ZNF732: variants seen among roughly 807,000 people sequenced by gnomAD.
The protein encoded by ZNF732 is zinc finger protein LOC654254.
A neutral mutation model predicts 11.5 loss-of-function variants in ZNF732; 12 were observed. The observed-to-expected ratio is 1.05, with a 90% CI of 0.67 to 1.70. The LOEUF is 1.70. ZNF732 is among the 40% of genes most tolerant of loss of function. ZNF732 has a pLI of 0.00. For missense variants in ZNF732, 702 were observed against 676.9 expected, an observed-to-expected ratio of 1.04 and a Z score of -0.41; for synonymous variants, 231 against 236.5, an observed-to-expected ratio of 0.98 and a Z score of 0.21.
intron 3 of ZNF732, among the ~76,000 whole-genome samples, chr4:281,447 T>C (rs931696551): frequency 9.2e-5 from 14 of 152,226 alleles, no homozygotes; most frequent in African/African-American, 1.7e-4. Flanking sequence ...CCTGCTCACA[T>C]TGATTGTATC....
chr4:278,827 C>A (rs1553839173), intron 3 of ZNF732, among the ~76,000 whole-genome samples: 1 of 152,120 alleles, frequency 6.6e-6, no homozygotes, highest in Non-Finnish European at 1.5e-5. Context: ...GTGGTGAATC[C>A]TCCACAGGCT....
At chr4:284,797 G>T (rs1719694601) in intron 3 of ZNF732, among the ~76,000 whole-genome samples, 2 of 150,044 alleles carry the variant, frequency 1.3e-5, no homozygotes, top group Non-Finnish European at 3.0e-5. Context: ...CTTGAACCCA[G>T]GAGGCGGAGG....
chr4:300,468 A>AG (rs1280081515), intron 1 of ZNF732, among the ~76,000 whole-genome samples: 3 of 149,840 alleles, frequency 2.0e-5, no homozygotes, highest in Non-Finnish European at 4.4e-5. Flanking sequence ...AAAAAAAAAA[A>AG]AAAAAAGAAA....
chr4:302,381 TACAA>T (rs1720136600), intron 1 of ZNF732, among the ~76,000 whole-genome samples: 1 of 152,120 alleles, frequency 6.6e-6, no homozygotes, highest in South Asian at 2.1e-4. Flanking sequence ...ACTAAGAGAC[TACAA>T]ACACAGAAAC....
At chr4:281,884 CAG>C (rs1553839883) in intron 3 of ZNF732, among the ~76,000 whole-genome samples, 1 of 152,068 alleles carries the variant, frequency 6.6e-6, no homozygotes, top group South Asian at 2.1e-4. Context: ...AAATGGCTAA[CAG>C]AGAATTTAAA....
intron 1 of ZNF732, among the ~76,000 whole-genome samples, chr4:299,444 T>TATACACATATGTGTATATATATATACAC (rs1553843186): frequency 5.9e-5 from 2 of 33,870 alleles, no homozygotes; most frequent in African/African-American, 2.2e-4. Context: ...TGTATATATA[T>TATACACATATGTGTATATATATATACAC]ATATATACAC....
chr4:298,066 A>T (rs373803797), intron 1 of ZNF732, among the ~76,000 whole-genome samples: 2 of 152,200 alleles, frequency 1.3e-5, no homozygotes, highest in East Asian at 3.8e-4. Context: ...AATTTAACCA[A>T]ATCCCTTATG....
chr4:299,862 ATTTTTTTTT>A (rs146854504), intron 1 of ZNF732, among the ~76,000 whole-genome samples: 1 of 124,320 alleles, frequency 8.0e-6, no homozygotes, highest in Non-Finnish European at 1.7e-5. Flanking sequence ...ATGCCGGCTA[ATTTTTTTTT>A]TTTTTTTTTT....
At position 270,938 on chromosome 4, in the gene ZNF732, GT is replaced by G; in HGVS notation, c.*160del. 2 of 777,396 alleles carry G rather than the reference GT, an allele frequency of 2.6e-6. No individual in the cohort carries two copies. The highest frequency in any genetic ancestry group is 4.5e-6 in the Non-Finnish European group (2 of 447,912). The allele number at this position is 777,396 out of a possible 1,614,324, so 48.2% of individuals were successfully genotyped here. Reference sequence around the variant, plus strand: ...TTCCCACATTCTTTACATTTGTAGGGTTTTTCTCCAGTATGAATTCTTACTT... The same window carrying G: ...TTCCCACATTCTTTACATTTGTAGGGTTTTCTCCAGTATGAATTCTTACTT... On this transcript the variant is annotated 3_prime_UTR_variant, in exon 4 of 4. Coordinates refer to ENST00000419098, the MANE Select transcript of ZNF732 (RefSeq NM_001137608.3).
At chr4:290,458 C>T (rs1215192683) in intron 3 of ZNF732, among the ~76,000 whole-genome samples, 1 of 152,184 alleles carries the variant, frequency 6.6e-6, no homozygotes. Context: ...ATCCTGGCCT[C>T]AGCTGTGGTC....
intron 3 of ZNF732, among the ~76,000 whole-genome samples, chr4:287,551 G>A (rs1045106830): frequency 6.6e-5 from 10 of 152,104 alleles, no homozygotes; most frequent in African/African-American, 1.9e-4. Flanking sequence ...TATGTCAGGA[G>A]ATTTAATATT....
Position 303,897 on chromosome 4 carries a change from A to G in ZNF732, c.3+1411T>C, listed in dbSNP as rs78153223. On this transcript the variant is annotated intron_variant, in intron 1 of 3. Transcript: ENST00000419098. ...GGAGCTATCAAGAGTCATGGTGGGGACAGGGCAGGACTGACTAAATAAAAG... is the reference window on the plus strand; with the variant it reads ...GGAGCTATCAAGAGTCATGGTGGGGGCAGGGCAGGACTGACTAAATAAAAG... Among the ~76,000 whole-genome samples, 1,193 of 152,294 alleles carry G rather than the reference A, an allele frequency of 7.8e-3. 25 individuals carry two copies. The highest frequency in any genetic ancestry group is 0.027 in the African/African-American group (1,118 of 41,556).
intron 3 of ZNF732, among the ~76,000 whole-genome samples, chr4:278,895 A>G (rs1274017207): frequency 6.6e-6 from 1 of 152,164 alleles, no homozygotes; most frequent in Non-Finnish European, 1.5e-5. Flanking sequence ...CTGGTGGTGA[A>G]TCCTCCATAG....
chr4:302,058 T>A (rs1456566322), intron 1 of ZNF732, among the ~76,000 whole-genome samples: 1 of 152,180 alleles, frequency 6.6e-6, no homozygotes, highest in Non-Finnish European at 1.5e-5. Context: ...AAATCCAGTA[T>A]AACTGTTATA....
intron 3 of ZNF732, among the ~76,000 whole-genome samples, chr4:277,120 C>T (rs1269502747): frequency 6.6e-6 from 1 of 151,886 alleles, no homozygotes; most frequent in African/African-American, 2.4e-5. Flanking sequence ...AACTAGGCTC[C>T]TACCTCTTAC....
At chr4:299,402 TGTATATATATATACACATATATAC>T (rs1720039240) in intron 1 of ZNF732, among the ~76,000 whole-genome samples, 1 of 41,278 alleles carries the variant, frequency 2.4e-5, no homozygotes, top group Non-Finnish European at 7.1e-5. Context: ...TACACATATG[TGTATATATATATACACATATATAC>T]ACATATGTGT....
chr4:302,852 G>T (rs1263772144), intron 1 of ZNF732, among the ~76,000 whole-genome samples: 1 of 152,154 alleles, frequency 6.6e-6, no homozygotes, highest in East Asian at 1.9e-4. Flanking sequence ...GCCCAACCTT[G>T]TTTCTACTAA....
At chr4:281,302 G>C (rs1719615045) in intron 3 of ZNF732, among the ~76,000 whole-genome samples, 1 of 152,172 alleles carries the variant, frequency 6.6e-6, no homozygotes, top group Non-Finnish European at 1.5e-5. Context: ...TGTGTATCCT[G>C]AAGCAGCCGC....
chr4:302,616 A>C (rs1553843780), intron 1 of ZNF732, among the ~76,000 whole-genome samples: 1 of 152,246 alleles, frequency 6.6e-6, no homozygotes, highest in East Asian at 1.9e-4. Context: ...ACTGTGGGAT[A>C]GGATGCATGT....
Sources: gnomAD v4.1 joint callset for allele counts (sites outside exome capture counted in the v4.1 genomes callset) on GRCh38, gnomAD v4.1.1 for gene constraint, MANE v1.5 for transcripts, NCBI Gene and HGNC (gene_info 2026-07-23, HGNC 2026-07-21) for gene names.